The following SLC9A8 variants were observed in gnomAD, a reference collection of about 807,000 sequenced individuals.
The protein encoded by SLC9A8 is sodium/hydrogen exchanger 8.
In SLC9A8, 48 loss-of-function variants were observed where a neutral mutation model predicts 66.6. The ratio of observed to expected loss-of-function variants is 0.72; its 90% CI spans 0.57 to 0.92. SLC9A8 has a LOEUF of 0.92. SLC9A8 is among the 40% of genes least tolerant of loss of function. The pLI, the probability that SLC9A8 is intolerant of heterozygous loss-of-function variation, is 0.00. For synonymous variants in SLC9A8, 274 were observed against 282.6 expected (o/e 0.97, Z 0.31); for missense variants, 599 against 747.3 (o/e 0.80, Z 2.31).
At chr20:49,872,459 T>C (rs2089251175) in intron 10 of SLC9A8, among the ~76,000 whole-genome samples, 1 of 1,968 alleles carries the variant, frequency 5.1e-4, no homozygotes, top group Non-Finnish European at 1.0e-3. Flanking sequence ...TTTTCACCCT[T>C]TTTTTTTTTT....
intron 12 of SLC9A8, among the ~76,000 whole-genome samples, chr20:49,878,856 A>G (rs2089525826): frequency 6.6e-6 from 1 of 152,120 alleles, no homozygotes; most frequent in South Asian, 2.1e-4. Flanking sequence ...CATCTCTACT[A>G]AAAATACAAA....
At chr20:49,828,931 GTGTA>G (rs1409657675) in intron 3 of SLC9A8, among the ~76,000 whole-genome samples, 1 of 151,318 alleles carries the variant, frequency 6.6e-6, no homozygotes, top group South Asian at 2.1e-4. Context: ...GTGTGTGTGT[GTGTA>G]TGTATGCATT....
chr20:49,850,874 G>T, intron 7 of SLC9A8, 30 bp downstream of exon 7: 2 of 1,539,336 alleles, frequency 1.3e-6, no homozygotes, highest in South Asian at 1.2e-5. Context: ...ACACCCATGC[G>T]ACTGCTTTTC....
Position 49,886,440 on chromosome 20 carries a change from G to C in SLC9A8, c.1492-312G>C. On this transcript the variant is annotated intron_variant, in intron 14 of 15. Coordinates refer to ENST00000361573, the MANE Select transcript of SLC9A8 (RefSeq NM_015266.3). This position sits in a 1 kb window ranked among gnomAD's most constrained non-coding sequence, Gnocchi z 4.8. Reference sequence around the variant, plus strand: ...TGCTGCTAATGAAAAGCCCAGAACAGCAGTTCTGGTCCTGGTTGCATGATA... The same window carrying C: ...TGCTGCTAATGAAAAGCCCAGAACACCAGTTCTGGTCCTGGTTGCATGATA... 4 of 258,800 alleles carry C rather than the reference G, an allele frequency of 1.5e-5. No individual in the cohort carries two copies. Among genetic ancestry groups the C allele is most frequent in the Non-Finnish European group, 2.2e-5 (3 of 137,434 alleles). The allele number at this position is 258,800 out of a possible 1,614,324, so 16.0% of individuals were successfully genotyped here.
rs2089993438 is a variant in SLC9A8 at position 49,889,418 on chromosome 20, C to G, written c.*1482C>G. On this transcript the variant is annotated 3_prime_UTR_variant, in exon 16 of 16. Transcript: ENST00000361573. Reference sequence around the variant, plus strand: ...GGCCAGCATGGACCCTGGGCTAGAGCAAGCACATCTCCATCTCTTCCACCT... The same window carrying G: ...GGCCAGCATGGACCCTGGGCTAGAGGAAGCACATCTCCATCTCTTCCACCT... 1 of 152,352 alleles carries G rather than the reference C, an allele frequency of 6.6e-6. No homozygotes were observed. Among genetic ancestry groups the G allele is most frequent in the Non-Finnish European group, 1.5e-5 (1 of 68,160 alleles). 9.4% of individuals were successfully genotyped at this position (152,352 alleles called of 1,614,324 possible). A position where few individuals can be genotyped will look rare whatever the true frequency, so the allele number is the denominator to read the frequency against.
chr20:49,859,250 G>C (rs1401368975), intron 8 of SLC9A8, among the ~76,000 whole-genome samples: 6 of 152,224 alleles, frequency 3.9e-5, no homozygotes, highest in Non-Finnish European at 7.3e-5. Flanking sequence ...CTGTGTGCCA[G>C]ACACTGCTGA....
At chr20:49,826,388 C>G (rs1280335767) in intron 3 of SLC9A8, among the ~76,000 whole-genome samples, 1 of 152,154 alleles carries the variant, frequency 6.6e-6, no homozygotes, top group African/African-American at 2.4e-5. Flanking sequence ...AAGAAGTTGC[C>G]AGAGAAAGTA....
intron 3 of SLC9A8, among the ~76,000 whole-genome samples, chr20:49,835,529 T>C (rs189460832): frequency 6.6e-6 from 1 of 152,134 alleles, no homozygotes; most frequent in East Asian, 1.9e-4. Flanking sequence ...TTCTCCCTTC[T>C]CCCATCCCCT....
chr20:49,879,137 G>T (rs908587474), intron 12 of SLC9A8, among the ~76,000 whole-genome samples: 1 of 152,168 alleles, frequency 6.6e-6, no homozygotes, highest in African/African-American at 2.4e-5. Flanking sequence ...GTGAAACAGG[G>T]AGGTGACTAT....
At chr20:49,882,338 C>T (rs892226629) in intron 13 of SLC9A8, among the ~76,000 whole-genome samples, 1 of 152,222 alleles carries the variant, frequency 6.6e-6, no homozygotes, top group African/African-American at 2.4e-5. Context: ...CGTCCGCCCC[C>T]GTCCTAGCCT....
chr20:49,850,898 G>A lies in SLC9A8; in HGVS notation c.569+54G>A, dbSNP rs1440600304. 20 of 1,359,986 alleles carry A rather than the reference G, an allele frequency of 1.5e-5. No individual in the cohort carries two copies. In the Admixed American group the frequency reaches 3.5e-4, roughly 24 times the overall value. The allele number at this position is 1,359,986 out of a possible 1,614,324, so 84.2% of individuals were successfully genotyped here. A position where few individuals can be genotyped will look rare whatever the true frequency, so the allele number is the denominator to read the frequency against. On this transcript the variant is annotated intron_variant, in intron 7 of 15. Transcript: ENST00000361573. ...CGACTGCTTTTCAGACAGGGGAAAT[G>A]TTTCTCCACATTGCTTCCTGGGTGT...
At position 49,886,653 on chromosome 20, in the gene SLC9A8, T is replaced by C. The variant is rs901237196; in HGVS notation, c.1492-99T>C. On this transcript the variant is annotated intron_variant, in intron 14 of 15. Transcript: ENST00000361573. This position sits in a 1 kb window ranked among gnomAD's most constrained non-coding sequence, Gnocchi z 4.8. ...CATTGATGGTCAAGTGGAGTTAGGG[T>C]TGGGGACACTGGCGGCCTGGGTGGT... 1.4e-6 allele frequency: 2 copies of C among 1,404,962 alleles called. No homozygotes were observed. The highest frequency in any genetic ancestry group is 1.3e-5 in the South Asian group (1 of 75,802). The allele number at this position is 1,404,962 out of a possible 1,614,324, so 87.0% of individuals were successfully genotyped here.
At chr20:49,841,087 C>G (rs182512642) in intron 4 of SLC9A8, among the ~76,000 whole-genome samples, 36 of 152,152 alleles carry the variant, frequency 2.4e-4, no homozygotes, top group South Asian at 2.1e-3. Flanking sequence ...CGTGGATCAT[C>G]TGAGGTCAGG....
At chr20:49,879,186 G>C (rs920029299) in intron 12 of SLC9A8, among the ~76,000 whole-genome samples, 2 of 152,084 alleles carry the variant, frequency 1.3e-5, no homozygotes, top group Non-Finnish European at 2.9e-5. Context: ...AGGATGCCCT[G>C]GGGTGACAAC....
chr20:49,865,941 G>A (rs1390566086), intron 10 of SLC9A8, among the ~76,000 whole-genome samples: 1 of 152,194 alleles, frequency 6.6e-6, no homozygotes, highest in African/African-American at 2.4e-5. Flanking sequence ...AGATGGCAGA[G>A]ATTTTCTTTT....
chr20:49,830,773 C>G (rs914697375), intron 3 of SLC9A8: 37 of 829,266 alleles, frequency 4.5e-5, no homozygotes, highest in African/African-American at 3.7e-4. Flanking sequence ...AGCTTCATAG[C>G]CATGATCACT....
At chr20:49,843,154 CT>C (rs2087834823) in intron 4 of SLC9A8, among the ~76,000 whole-genome samples, 1 of 151,896 alleles carries the variant, frequency 6.6e-6, no homozygotes, top group Non-Finnish European at 1.5e-5. Context: ...TTGGGGGACA[CT>C]ATATAACCCC....
chr20:49,853,507 T>A (rs2088337490), intron 7 of SLC9A8, among the ~76,000 whole-genome samples: 1 of 152,184 alleles, frequency 6.6e-6, no homozygotes, highest in African/African-American at 2.4e-5. Context: ...CTGTGGTTGA[T>A]GAGAGTGAAA....
At chr20:49,850,443 T>C (rs921555726) in intron 6 of SLC9A8, among the ~76,000 whole-genome samples, 9 of 152,224 alleles carry the variant, frequency 5.9e-5, no homozygotes, top group Non-Finnish European at 1.3e-4. Flanking sequence ...CTTTCTTCTC[T>C]CAATAGCCAA....
Sources: allele counts gnomAD v4.1 joint callset (sites outside exome capture counted in the v4.1 genomes callset), GRCh38; gene constraint gnomAD v4.1.1; non-coding constraint Gnocchi (gnomAD v3.1); transcripts MANE v1.5; gene names NCBI Gene and HGNC (gene_info 2026-07-23, HGNC 2026-07-21).